ARMC3: variants seen among roughly 807,000 people sequenced by gnomAD.
The protein encoded by ARMC3 is armadillo repeat containing 3, also known as armadillo repeat-containing protein 3.
ARMC3 carries 74 observed loss-of-function variants against 90.3 expected under a neutral mutation model. The observed-to-expected ratio is 0.82, with a 90% CI of 0.68 to 0.99. The LOEUF is 0.99. ARMC3 is among the 50% of genes least tolerant of loss of function. The pLI is 0.00. For missense variants in ARMC3, 958 were observed against 1,042.8 expected (o/e 0.92, Z 1.12); for synonymous variants, 334 against 361.8 (o/e 0.92, Z 0.87).
At chr10:22,978,972 A>G (rs1836066577) in intron 8 of ARMC3, among the ~76,000 whole-genome samples, 1 of 152,200 alleles carries the variant, frequency 6.6e-6, no homozygotes, top group Admixed American at 6.5e-5. Context: ...AACTTTTAAC[A>G]TGCATCTCAA....
chr10:22,967,283 A>G (rs937470484), intron 7 of ARMC3, among the ~76,000 whole-genome samples: 6 of 152,132 alleles, frequency 3.9e-5, no homozygotes, highest in Admixed American at 2.0e-4. Context: ...CTTTCACAGG[A>G]ACATCTAGAA....
chr10:22,930,759 T>C (rs1833896566), intron 1 of ARMC3, among the ~76,000 whole-genome samples: 1 of 152,200 alleles, frequency 6.6e-6, no homozygotes, highest in Non-Finnish European at 1.5e-5. Context: ...CTTCCTAGGA[T>C]TTCTACTGAG....
intron 8 of ARMC3, among the ~76,000 whole-genome samples, chr10:22,972,489 C>T (rs535404084): frequency 6.6e-6 from 1 of 152,300 alleles, no homozygotes; most frequent in East Asian, 1.9e-4. Context: ...CTTTCTGGCA[C>T]TTAATGTTTT....
intron 1 of ARMC3, among the ~76,000 whole-genome samples, chr10:22,930,376 A>G (rs983768612): frequency 5.3e-5 from 8 of 152,162 alleles, no homozygotes; most frequent in African/African-American, 1.9e-4. Context: ...TTTGAAAACA[A>G]TTTTCTCATT....
At chr10:23,010,466 CTTCCTTT>C in intron 16 of ARMC3, among the ~76,000 whole-genome samples, 1 of 58,850 alleles carries the variant, frequency 1.7e-5, no homozygotes, top group Non-Finnish European at 3.4e-5. Context: ...CTCCTCCCTC[CTTCCTTT>C]CCCTCCTCCC....
chr10:23,037,310 G>A lies in ARMC3; in HGVS notation c.2450G>A (p.Arg817His), dbSNP rs201164034. The A allele has an allele frequency of 3.7e-6, 6 of 1,609,018 alleles. No homozygotes were observed. The highest frequency in any genetic ancestry group is 1.3e-5 in the African/African-American group (1 of 74,940). ...ATTGGCATTGGTTGCTCCCTAGTTCGCGGAGAGTACGGTAGAGCGTGGAAT... is the reference window on the plus strand; with the variant it reads ...ATTGGCATTGGTTGCTCCCTAGTTCACGGAGAGTACGGTAGAGCGTGGAAT... ...DRIGIGCSLV[R>H]GEYGRAWNEV... is the part of the protein sequence containing the mutation. The change falls in exon 19 of 19, where the codon CGC becomes CAC. Residue 817 changes from arginine (R) to histidine (H), a missense_variant. Coordinates refer to ENST00000298032, the MANE Select transcript of ARMC3 (RefSeq NM_173081.5).
At chr10:23,006,143 C>T (rs767350555) in intron 13 of ARMC3, among the ~76,000 whole-genome samples, 1 of 152,050 alleles carries the variant, frequency 6.6e-6, no homozygotes. Context: ...GTGCAAGAGC[C>T]GTGTGGTGAA....
Position 23,000,525 on chromosome 10 carries a change from T to C in ARMC3, c.1426-1394T>C, listed in dbSNP as rs535523578. On this transcript the variant is annotated intron_variant, in intron 11 of 18. Transcript: ENST00000298032. The stretch of plus-strand genomic sequence containing the variant: ...TTTTTCATCCCTGTGTCCATGTCAT[T>C]AATATATACCTGGCACATAATATAT... Among the ~76,000 whole-genome samples the C allele has an allele frequency of 3.3e-5, 5 of 152,300 alleles. No homozygotes were observed. The South Asian group carries it at 1.0e-3, about 32-fold the overall frequency.
At chr10:23,012,559 C>T (rs1838064579) in intron 16 of ARMC3, among the ~76,000 whole-genome samples, 2 of 152,104 alleles carry the variant, frequency 1.3e-5, no homozygotes, top group Non-Finnish European at 2.9e-5. Context: ...ACTCATTGTT[C>T]ACCGCAGCTC....
intron 8 of ARMC3, among the ~76,000 whole-genome samples, chr10:22,977,352 G>T (rs1027999116): frequency 2.0e-5 from 3 of 152,088 alleles, no homozygotes; most frequent in African/African-American, 7.2e-5. Context: ...TTCCCACTAT[G>T]GTAGATTAAA....
At chr10:22,991,868 A>G (rs1404280989) in intron 10 of ARMC3, among the ~76,000 whole-genome samples, 1 of 152,234 alleles carries the variant, frequency 6.6e-6, no homozygotes, top group East Asian at 1.9e-4. Flanking sequence ...ACAACATGGT[A>G]TCTCTAATTA....
intron 14 of ARMC3, 22 bp downstream of exon 14, chr10:23,007,003 G>C (rs745685866): frequency 6.4e-7 from 1 of 1,551,902 alleles, no homozygotes; most frequent in Non-Finnish European, 8.8e-7. Context: ...CAGGGAGAGG[G>C]GATGAAGGGA....
At chr10:22,936,060 T>C (rs1342811641) in intron 2 of ARMC3, among the ~76,000 whole-genome samples, 1 of 152,238 alleles carries the variant, frequency 6.6e-6, no homozygotes, top group Non-Finnish European at 1.5e-5. Context: ...TTATTTTCAC[T>C]GAGGTCATCT....
intron 8 of ARMC3, among the ~76,000 whole-genome samples, chr10:22,980,080 C>G (rs998253182): frequency 4.6e-5 from 7 of 152,004 alleles, no homozygotes; most frequent in Admixed American, 4.6e-4. Context: ...CAACGGAAAC[C>G]TAGCTGATGT....
At chr10:22,990,342 C>A (rs937773902) in intron 10 of ARMC3, among the ~76,000 whole-genome samples, 3 of 152,142 alleles carry the variant, frequency 2.0e-5, no homozygotes, top group African/African-American at 7.2e-5. Flanking sequence ...GGAAACTGCC[C>A]CAGCTCTAGC....
At chr10:23,006,703 C>A in intron 13 of ARMC3, 181 bp from the exon 14 acceptor site, 1 of 566,786 alleles carries the variant, frequency 1.8e-6, no homozygotes, top group Admixed American at 2.8e-5. Context: ...TGCCCAAAGG[C>A]AAGAACATCC....
In ARMC3 at chr10:23,003,306, G is replaced by T; in HGVS notation, c.1623G>T (p.Glu541Asp). The change falls in exon 13 of 19, where the codon GAG becomes GAT. Residue 541 changes from glutamate to aspartate, a missense_variant. Transcript: ENST00000298032. The stretch of plus-strand genomic sequence containing the variant: ...GAACTCGGAAAAATAAATTCAGTGA[G>T]GCAGCTTATAATAAGTTGCTCAATA... The part of the protein sequence containing the change: ...VSGTRKNKFS[E>D]AAYNKLLNNN... 6.2e-7 allele frequency: 1 copy of T among 1,613,450 alleles called. No individual in the cohort carries two copies. Among genetic ancestry groups the T allele is most frequent in the Non-Finnish European group, 8.5e-7 (1 of 1,179,700 alleles).
Position 22,968,371 on chromosome 10 carries a change from T to C in ARMC3, c.798T>C (p.Thr266=), listed in dbSNP as rs147434369. The C allele has an allele frequency of 4.0e-4, 650 of 1,614,070 alleles. 4 individuals are homozygous for C. The African/African-American group carries it at 7.8e-3, about 19-fold the overall frequency. The change falls in exon 8 of 19, where the codon ACT becomes ACC. Residue 266 remains threonine (T), a synonymous_variant. Coordinates refer to ENST00000298032, the MANE Select transcript of ARMC3 (RefSeq NM_173081.5). ...CCAATTGCCTTGAAGACATGGATAC[T>C]ATGGTGCAGATTCAGCAGACAGGGG... ...VIANCLEDMD[T]MVQIQQTGGL...
At chr10:22,993,467 G>A (rs1042298218) in intron 10 of ARMC3, among the ~76,000 whole-genome samples, 17 of 152,152 alleles carry the variant, frequency 1.1e-4, no homozygotes, top group Admixed American at 9.2e-4. Context: ...ACTGGAAATC[G>A]CAGTGTTGCT....
Sources: allele counts gnomAD v4.1 joint callset (sites outside exome capture counted in the v4.1 genomes callset), GRCh38; gene constraint gnomAD v4.1.1; transcripts MANE v1.5; gene names NCBI Gene and HGNC (gene_info 2026-07-23, HGNC 2026-07-21).